The following SHISA6 variants were observed in gnomAD, a reference collection of about 807,000 sequenced individuals.
SHISA6 encodes protein shisa-6.
Under a neutral mutation model 47.9 loss-of-function variants are expected in SHISA6, and 22 were observed. The ratio of observed to expected loss-of-function variants is 0.46; its 90% CI spans 0.33 to 0.66. The LOEUF (loss-of-function observed/expected upper bound fraction) is 0.66. Ranked by LOEUF, SHISA6 falls within the 30% of genes least tolerant of loss-of-function variation. The pLI, the probability that SHISA6 is intolerant of heterozygous loss-of-function variation, is 0.02. For synonymous variants in SHISA6, 388 were observed against 337.8 expected (o/e 1.15, Z -1.63); for missense variants, 680 against 764.6 (o/e 0.89, Z 1.30).
intron 1 of SHISA6, among the ~76,000 whole-genome samples, chr17:11,243,827 G>C (rs948326538): frequency 6.6e-6 from 1 of 152,106 alleles, no homozygotes; most frequent in African/African-American, 2.4e-5. Flanking sequence ...CCGCTTGCTC[G>C]TTGATTCCTA....
chr17:11,444,551 A>T (rs1915182931), intron 3 of SHISA6, among the ~76,000 whole-genome samples: 1 of 152,138 alleles, frequency 6.6e-6, no homozygotes, highest in Non-Finnish European at 1.5e-5. Context: ...GGGATGGGCT[A>T]TGTGAATCCA....
intron 1 of SHISA6, among the ~76,000 whole-genome samples, chr17:11,248,754 G>A (rs544497404): frequency 4.6e-5 from 7 of 152,056 alleles, no homozygotes; most frequent in Non-Finnish European, 7.3e-5. Flanking sequence ...TGAGTAATGC[G>A]GACTATTGAA....
intron 3 of SHISA6, among the ~76,000 whole-genome samples, chr17:11,500,789 C>A (rs2071445977): frequency 6.6e-6 from 1 of 152,152 alleles, no homozygotes; most frequent in Non-Finnish European, 1.5e-5. Context: ...TTGCAATTCC[C>A]ATCATCTCAG....
intron 1 of SHISA6, among the ~76,000 whole-genome samples, chr17:11,252,290 C>T (rs2142137792): frequency 6.6e-6 from 1 of 152,230 alleles, no homozygotes; most frequent in South Asian, 2.1e-4. Context: ...GCTTTTTTGG[C>T]ATTTGGTCTC....
chr17:11,558,400 C>A lies in SHISA6; in HGVS notation c.*96C>A. ...GCTTCTAGCCTTGCCACTCTCCCTT[C>A]CCTTGTCCCCTCTGTAGGAAGTGGG... On this transcript the variant is annotated 3_prime_UTR_variant, in exon 6 of 6. Transcript: ENST00000441885. 1 of 1,356,716 alleles carries A rather than the reference C, an allele frequency of 7.4e-7. No individual in the cohort carries two copies. The highest frequency in any genetic ancestry group is 1.4e-5 in the South Asian group (1 of 70,156). 84.0% of individuals were successfully genotyped at this position (1,356,716 alleles called of 1,614,324 possible). A position where few individuals can be genotyped will look rare whatever the true frequency, so the allele number is the denominator to read the frequency against.
chr17:11,421,682 C>T (rs1234881630), intron 3 of SHISA6, among the ~76,000 whole-genome samples: 2 of 152,224 alleles, frequency 1.3e-5, no homozygotes, highest in Non-Finnish European at 2.9e-5. Context: ...TGTCTTCCCT[C>T]AGTTGCTGCC....
At chr17:11,504,996 C>A (rs2071486915) in intron 3 of SHISA6, among the ~76,000 whole-genome samples, 1 of 152,192 alleles carries the variant, frequency 6.6e-6, no homozygotes, top group South Asian at 2.1e-4. Context: ...CAGTTCCCAT[C>A]TGGAATTCCT....
chr17:11,258,929 G>GTGGA (rs1329812953), intron 1 of SHISA6, among the ~76,000 whole-genome samples: 1 of 152,186 alleles, frequency 6.6e-6, no homozygotes, highest in Non-Finnish European at 1.5e-5. Flanking sequence ...ATGTGACTAA[G>GTGGA]TGGATGGATG....
chr17:11,246,978 A>G (rs1907618432), intron 1 of SHISA6, among the ~76,000 whole-genome samples: 1 of 151,946 alleles, frequency 6.6e-6, no homozygotes, highest in African/African-American at 2.4e-5. Context: ...AGGCCTTCAC[A>G]CCCATCCCTT....
At chr17:11,336,202 C>G (rs1911314997) in intron 2 of SHISA6, among the ~76,000 whole-genome samples, 1 of 151,800 alleles carries the variant, frequency 6.6e-6, no homozygotes, top group Non-Finnish European at 1.5e-5. Flanking sequence ...CTCACTCTCT[C>G]AAAAAAGAAA....
At chr17:11,369,012 A>G (rs1006092289) in intron 2 of SHISA6, among the ~76,000 whole-genome samples, 1 of 152,110 alleles carries the variant, frequency 6.6e-6, no homozygotes, top group Non-Finnish European at 1.5e-5. Flanking sequence ...CACCATTCCC[A>G]TTTTACAGAT....
chr17:11,296,775 G>A (rs1909764427), intron 2 of SHISA6, among the ~76,000 whole-genome samples: 1 of 152,106 alleles, frequency 6.6e-6, no homozygotes, highest in Non-Finnish European at 1.5e-5. Flanking sequence ...CATTTGCATA[G>A]CAGGAGCGTG....
At chr17:11,483,940 C>T (rs1346419723) in intron 3 of SHISA6, among the ~76,000 whole-genome samples, 1 of 152,026 alleles carries the variant, frequency 6.6e-6, no homozygotes, top group African/African-American at 2.4e-5. Context: ...TTGGTGACAG[C>T]AAGATAAAGG....
chr17:11,317,645 C>G (rs1421662225), intron 2 of SHISA6, among the ~76,000 whole-genome samples: 1 of 151,636 alleles, frequency 6.6e-6, no homozygotes, highest in African/African-American at 2.4e-5. Context: ...GTTTTGCTTA[C>G]TTACTTGGGT....
intron 3 of SHISA6, among the ~76,000 whole-genome samples, chr17:11,437,198 A>G (rs961371934): frequency 3.9e-5 from 6 of 152,184 alleles, no homozygotes; most frequent in Non-Finnish European, 1.5e-5. Context: ...AGTGTGCAGA[A>G]TCTAATTGAT....
At chr17:11,424,326 C>CA (rs1261889390) in intron 3 of SHISA6, among the ~76,000 whole-genome samples, 2 of 152,050 alleles carry the variant, frequency 1.3e-5, no homozygotes, top group African/African-American at 4.8e-5. Context: ...TGTGATGAGG[C>CA]AAAATTACCA....
chr17:11,413,555 T>C (rs1019575827), intron 3 of SHISA6, among the ~76,000 whole-genome samples: 3 of 152,130 alleles, frequency 2.0e-5, no homozygotes, highest in Admixed American at 2.0e-4. Context: ...GAGGAGGCAA[T>C]CTGGCTGGCT....
At chr17:11,269,810 C>A (rs1264074766) in intron 2 of SHISA6, among the ~76,000 whole-genome samples, 1 of 152,136 alleles carries the variant, frequency 6.6e-6, no homozygotes, top group Admixed American at 6.5e-5. Flanking sequence ...ACAGGGGTCA[C>A]TTAAGTGGGA....
chr17:11,261,243 G>A (rs1440132939), intron 1 of SHISA6, among the ~76,000 whole-genome samples: 1 of 152,214 alleles, frequency 6.6e-6, no homozygotes, highest in Non-Finnish European at 1.5e-5. Flanking sequence ...GGATCCTGGA[G>A]AATGGTCACA....
Sources: gnomAD v4.1 joint callset for allele counts (sites outside exome capture counted in the v4.1 genomes callset) on GRCh38, gnomAD v4.1.1 for gene constraint, MANE v1.5 for transcripts, NCBI Gene and HGNC (gene_info 2026-07-23, HGNC 2026-07-21) for gene names.